SPMIP2: variants seen among roughly 807,000 people sequenced by gnomAD.
SPMIP2 encodes the protein sperm microtubule inner protein 2, also known as protein SPMIP2.
chr4:159,035,144 A>T, the SPMIP2 span: 3 of 1,491,282 alleles, frequency 2.0e-6, no homozygotes, highest in Non-Finnish European at 2.8e-6. Flanking sequence ...CGGCTTCTTC[A>T]AATCAGTTAA....
the SPMIP2 span, among the ~76,000 whole-genome samples, chr4:159,030,876 A>G: frequency 1.3e-5 from 2 of 152,230 alleles, no homozygotes; most frequent in African/African-American, 4.8e-5. Context: ...TAACTCTCAG[A>G]ATTGCTGCGA....
the SPMIP2 span, among the ~76,000 whole-genome samples, chr4:158,977,680 T>C: frequency 7.3e-6 from 1 of 137,318 alleles, no homozygotes; most frequent in African/African-American, 2.7e-5. Context: ...AGTGGCACAA[T>C]CTCGGCTCAC....
the SPMIP2 span, among the ~76,000 whole-genome samples, chr4:158,914,965 T>TCAGAA: frequency 6.6e-6 from 1 of 152,212 alleles, no homozygotes. Context: ...TCTTGTTTTC[T>TCAGAA]TTAACTATAA....
chr4:158,901,458 T>C, the SPMIP2 span, among the ~76,000 whole-genome samples: 3 of 152,082 alleles, frequency 2.0e-5, no homozygotes, highest in Non-Finnish European at 4.4e-5. Context: ...ATCTGACCAT[T>C]ATGTGTCTTG....
the SPMIP2 span, among the ~76,000 whole-genome samples, chr4:158,952,703 G>A: frequency 6.6e-6 from 1 of 152,216 alleles, no homozygotes; most frequent in African/African-American, 2.4e-5. Flanking sequence ...GAACTTCCTA[G>A]AGACTTGTCG....
At chr4:158,943,858 C>CTTTCTTT in the SPMIP2 span, among the ~76,000 whole-genome samples, 1,075 of 101,886 alleles carry the variant, frequency 0.011, 51 homozygotes, top group African/African-American at 0.04. Context: ...TTGACATTTT[C>CTTTCTTT]TTTTTTTTTT....
chr4:159,076,164 G>T, the SPMIP2 span, among the ~76,000 whole-genome samples: 1 of 152,080 alleles, frequency 6.6e-6, no homozygotes, highest in Admixed American at 6.6e-5. Context: ...AGCTCAGAGG[G>T]TTATTAAAAC....
chr4:159,066,844 C>T, the SPMIP2 span, among the ~76,000 whole-genome samples: 3 of 152,182 alleles, frequency 2.0e-5, no homozygotes, highest in Non-Finnish European at 4.4e-5. Flanking sequence ...GCTTTGTACA[C>T]GTAGGCTCTG....
chr4:158,975,926 C>T, the SPMIP2 span, among the ~76,000 whole-genome samples: 7 of 152,200 alleles, frequency 4.6e-5, no homozygotes, highest in African/African-American at 1.7e-4. Flanking sequence ...TCTTGTTATC[C>T]ATGAGCACGG....
At chr4:159,007,179 C>A in the SPMIP2 span, 1 of 1,073,052 alleles carries the variant, frequency 9.3e-7, no homozygotes, top group Non-Finnish European at 1.4e-6. Flanking sequence ...TGGAGATCTT[C>A]AGGCAGAATC....
At chr4:158,972,248 G>A in the SPMIP2 span, among the ~76,000 whole-genome samples, 3 of 152,360 alleles carry the variant, frequency 2.0e-5, no homozygotes, top group African/African-American at 7.2e-5. Context: ...TGTAGTCCCA[G>A]CTACTTGGGA....
the SPMIP2 span, among the ~76,000 whole-genome samples, chr4:158,939,399 TACTA>T: frequency 2.0e-5 from 3 of 152,312 alleles, no homozygotes; most frequent in South Asian, 6.2e-4. Context: ...CTATCCTACT[TACTA>T]ATCTCCACAC....
At chr4:158,947,681 A>T in the SPMIP2 span, among the ~76,000 whole-genome samples, 1 of 152,236 alleles carries the variant, frequency 6.6e-6, no homozygotes, top group East Asian at 1.9e-4. Context: ...AAGAAATTTT[A>T]TACTATATTG....
the SPMIP2 span, among the ~76,000 whole-genome samples, chr4:159,011,637 C>T: frequency 6.6e-6 from 1 of 151,910 alleles, no homozygotes; most frequent in Non-Finnish European, 1.5e-5. Context: ...GCCTGTTATC[C>T]CAGCTACAGG....
chr4:159,002,870 A>C, the SPMIP2 span, among the ~76,000 whole-genome samples: 1 of 152,156 alleles, frequency 6.6e-6, no homozygotes, highest in African/African-American at 2.4e-5. Flanking sequence ...TTTGAAAGGC[A>C]GTGCTATGAT....
At chr4:159,028,754 CTAATTT>C in the SPMIP2 span, among the ~76,000 whole-genome samples, 2 of 152,096 alleles carry the variant, frequency 1.3e-5, no homozygotes, top group African/African-American at 4.8e-5. Context: ...AATTTTCTTC[CTAATTT>C]TGTTTATAAG....
At chr4:158,916,892 C>T in the SPMIP2 span, among the ~76,000 whole-genome samples, 1 of 152,134 alleles carries the variant, frequency 6.6e-6, no homozygotes, top group Non-Finnish European at 1.5e-5. Context: ...CATCCTCCCA[C>T]CTCAGCCTCC....
At chr4:159,049,471 ATAG>A in the SPMIP2 span, among the ~76,000 whole-genome samples, 2 of 152,216 alleles carry the variant, frequency 1.3e-5, no homozygotes, top group East Asian at 1.9e-4. Context: ...TTGATACATA[ATAG>A]TAGTATATAT....
At chr4:159,037,863 C>T in the SPMIP2 span, among the ~76,000 whole-genome samples, 162 of 151,740 alleles carry the variant, frequency 1.1e-3, 1 homozygote, top group Non-Finnish European at 1.8e-3. Context: ...TATATCCTCA[C>T]CTTTCCTAAA....
Sources: allele counts gnomAD v4.1 joint callset (sites outside exome capture counted in the v4.1 genomes callset), GRCh38; gene constraint gnomAD v4.1.1; transcripts MANE v1.5; gene names NCBI Gene and HGNC (gene_info 2026-07-23, HGNC 2026-07-21).